The following RGS7 variants were observed in gnomAD, a reference collection of about 807,000 sequenced individuals.
RGS7 encodes the protein regulator of G protein signaling 7.
In RGS7, 27 loss-of-function variants were observed where a neutral mutation model predicts 81.1. The ratio of observed to expected loss-of-function variants is 0.33; its 90% CI spans 0.25 to 0.46. The LOEUF is 0.46. Among genes scored for constraint, RGS7 ranks in the 20% least tolerant of loss-of-function variants. The pLI is 1.00. For missense variants in RGS7, 396 were observed against 607.4 expected, an observed-to-expected ratio of 0.65 and a Z score of 3.66; for synonymous variants, 208 against 207.7, an observed-to-expected ratio of 1.00 and a Z score of -0.01.
chr1:241,315,107 C>CTTTTTTT (rs5782184), intron 2 of RGS7, among the ~76,000 whole-genome samples: 747 of 57,454 alleles, frequency 0.013, 90 homozygotes, highest in Middle Eastern at 0.04. Context: ...TCTTCTTCTT[C>CTTTTTTT]TTTTTTTTTT....
At chr1:241,286,403 T>C (rs1114839) in intron 2 of RGS7, among the ~76,000 whole-genome samples, 41,807 of 152,064 alleles carry the variant, frequency 0.27, 6,218 homozygotes, top group Non-Finnish European at 0.33. Context: ...CGTTTCTTAT[T>C]ATTACACATA....
rs376356660 is a variant in RGS7, at chr1:241,117,165, A to C, written c.79-18403T>G. ...ATAAAATATAAATGTCCTTGAACAC[A>C]GTCCACTCTCAGGGGAAATTTGAGG... On this transcript the variant is annotated intron_variant, in intron 2 of 18. Coordinates refer to ENST00000440928, the MANE Select transcript of RGS7 (RefSeq NM_001364886.1). Among the ~76,000 whole-genome samples the C allele has an allele frequency of 4.6e-5, 7 of 152,220 alleles. No individual in the cohort carries two copies. In the East Asian group the frequency reaches 1.2e-3, roughly 25 times the overall value.
chr1:241,348,781 T>C (rs1478362051), intron 2 of RGS7, among the ~76,000 whole-genome samples: 1 of 152,204 alleles, frequency 6.6e-6, no homozygotes, highest in Admixed American at 6.5e-5. Flanking sequence ...GGAAGCTGTC[T>C]AGATAGGGCT....
intron 2 of RGS7, among the ~76,000 whole-genome samples, chr1:241,187,048 C>T (rs1411167940): frequency 6.6e-6 from 1 of 152,000 alleles, no homozygotes; most frequent in African/African-American, 2.4e-5. Context: ...AATAGATTTT[C>T]TAGTTTAGAA....
intron 18 of RGS7, among the ~76,000 whole-genome samples, chr1:240,776,968 G>T (rs374954821): frequency 5.9e-5 from 9 of 152,166 alleles, no homozygotes; most frequent in Admixed American, 2.0e-4. Flanking sequence ...TAAGTCAACA[G>T]TGTTGCTGTT....
chr1:240,830,538 C>A (rs1693657100), intron 9 of RGS7, among the ~76,000 whole-genome samples: 1 of 152,122 alleles, frequency 6.6e-6, no homozygotes, highest in Admixed American at 6.5e-5. Context: ...CAGAGAAAGG[C>A]CGAGAAAACT....
intron 2 of RGS7, among the ~76,000 whole-genome samples, chr1:241,257,279 C>T (rs780119922): frequency 1.3e-5 from 2 of 151,994 alleles, no homozygotes; most frequent in Non-Finnish European, 2.9e-5. Flanking sequence ...CTGACAGAGT[C>T]CCCCAAACCC....
At chr1:240,846,714 C>A (rs1375038353) in intron 9 of RGS7, among the ~76,000 whole-genome samples, 1 of 152,172 alleles carries the variant, frequency 6.6e-6, no homozygotes, top group Non-Finnish European at 1.5e-5. Context: ...AACCAATAAA[C>A]TATGACAGAA....
intron 2 of RGS7, among the ~76,000 whole-genome samples, chr1:241,303,568 C>G (rs745549532): frequency 1.3e-5 from 2 of 152,340 alleles, no homozygotes; most frequent in South Asian, 4.1e-4. Flanking sequence ...GATGTCTACT[C>G]TACACAATGG....
At chr1:241,179,350 C>G (rs7518528) in intron 2 of RGS7, among the ~76,000 whole-genome samples, 30,963 of 152,102 alleles carry the variant, frequency 0.2, 3,877 homozygotes, top group Admixed American at 0.28. Context: ...CCTTCCGCCT[C>G]GGCCCCCAAA....
intron 9 of RGS7, among the ~76,000 whole-genome samples, chr1:240,864,477 C>G (rs1287052362): frequency 6.6e-6 from 1 of 152,108 alleles, no homozygotes; most frequent in African/African-American, 2.4e-5. Context: ...GGTAAAGGAA[C>G]CATCCCTTTG....
chr1:240,916,080 T>C (rs1188705126), intron 6 of RGS7, among the ~76,000 whole-genome samples: 1 of 136,784 alleles, frequency 7.3e-6, no homozygotes, highest in Non-Finnish European at 1.5e-5. Flanking sequence ...CTGGCCAACA[T>C]GGTGAAACCC....
At chr1:240,986,498 C>G (rs2447694) in intron 3 of RGS7, among the ~76,000 whole-genome samples, 151,935 of 152,002 alleles carry the variant, frequency 1, 75,934 homozygotes, top group Middle Eastern at 1. Context: ...ATTCTATTTT[C>G]ACAGAGTTTA....
At chr1:241,261,559 G>A (rs1208565426) in intron 2 of RGS7, among the ~76,000 whole-genome samples, 9 of 151,274 alleles carry the variant, frequency 5.9e-5, no homozygotes, top group East Asian at 3.9e-4. Flanking sequence ...AACTCGGGAG[G>A]TGGAGGTTGC....
At chr1:241,224,869 A>G (rs569777452) in intron 2 of RGS7, among the ~76,000 whole-genome samples, 2 of 152,184 alleles carry the variant, frequency 1.3e-5, no homozygotes, top group Non-Finnish European at 2.9e-5. Flanking sequence ...AGTGATTGCC[A>G]CACCACAGAT....
intron 2 of RGS7, among the ~76,000 whole-genome samples, chr1:241,261,987 C>T (rs1316271): frequency 0.66 from 90,520 of 137,454 alleles, 27,313 homozygotes; most frequent in African/African-American, 0.7. Flanking sequence ...TTTGTTTGTT[C>T]ATTTTTTAAG....
intron 3 of RGS7, among the ~76,000 whole-genome samples, chr1:241,032,184 T>A (rs763353693): frequency 2.0e-5 from 3 of 152,244 alleles, no homozygotes; most frequent in Non-Finnish European, 2.9e-5. Flanking sequence ...AGTTTCATCC[T>A]CTTGCATTTG....
intron 2 of RGS7, among the ~76,000 whole-genome samples, chr1:241,113,862 T>G (rs146533087): frequency 6.6e-6 from 1 of 152,218 alleles, no homozygotes; most frequent in African/African-American, 2.4e-5. Context: ...GGAAATGAGG[T>G]GTCTTCTTTT....
chr1:241,196,394 A>C (rs1318683567), intron 2 of RGS7, among the ~76,000 whole-genome samples: 4 of 152,162 alleles, frequency 2.6e-5, no homozygotes, highest in Non-Finnish European at 4.4e-5. Context: ...GTAAAAAAAA[A>C]CCCCATCTGT....
Sources: allele counts gnomAD v4.1 joint callset (sites outside exome capture counted in the v4.1 genomes callset), GRCh38; gene constraint gnomAD v4.1.1; transcripts MANE v1.5; gene names NCBI Gene and HGNC (gene_info 2026-07-23, HGNC 2026-07-21).